BCOR: variants seen among roughly 807,000 people sequenced by gnomAD.
BCOR encodes the protein BCL-6 corepressor.
Under a neutral mutation model 86.7 loss-of-function variants are expected in BCOR, and 10 were observed. The observed-to-expected ratio is 0.12, with a 90% CI of 0.07 to 0.20. BCOR has a LOEUF of 0.20. BCOR is among the 10% of genes least tolerant of loss of function. The probability of loss-of-function intolerance (pLI) is 1.00; values close to 1 mark genes in which losing one functional copy is unlikely to be tolerated. For missense variants in BCOR, 1,259 were observed against 1,452.1 expected (o/e 0.87, Z 2.16); for synonymous variants, 611 against 609.0 (o/e 1.00, Z -0.05).
chrX:40,080,989 G>A (rs112502472), intron 1 of BCOR, among the ~76,000 whole-genome samples: 52 of 107,111 alleles, frequency 4.9e-4, no homozygotes, highest in East Asian at 2.4e-3. Context: ...ACACACACGC[G>A]CACACACACA....
intron 1 of BCOR, among the ~76,000 whole-genome samples, chrX:40,114,598 T>C (rs951694346): frequency 2.7e-5 from 3 of 111,607 alleles, no homozygotes; most frequent in African/African-American, 9.8e-5. Flanking sequence ...GAAGTGTAGG[T>C]TCTTCTCACA....
intron 1 of BCOR, among the ~76,000 whole-genome samples, chrX:40,110,299 C>T (rs886973121): frequency 3.6e-5 from 4 of 111,314 alleles, no homozygotes; most frequent in Non-Finnish European, 7.5e-5. Context: ...CTTATGTTGA[C>T]ATTTAAATAG....
intron 1 of BCOR, among the ~76,000 whole-genome samples, chrX:40,123,866 C>T (rs958013882): frequency 2.6e-4 from 29 of 110,197 alleles, no homozygotes; most frequent in African/African-American, 9.6e-4. Flanking sequence ...AGAAATGTTT[C>T]CTCTCTCCCA....
intron 6 of BCOR, among the ~76,000 whole-genome samples, chrX:40,067,455 C>T (rs754470663): frequency 8.9e-6 from 1 of 111,894 alleles, no homozygotes; most frequent in East Asian, 2.8e-4. Context: ...ATGCCTCCTC[C>T]AAGTCCCCAC....
intron 1 of BCOR, among the ~76,000 whole-genome samples, chrX:40,081,263 T>C (rs1402280816): frequency 9.0e-6 from 1 of 111,523 alleles, no homozygotes; most frequent in Non-Finnish European, 1.9e-5. Context: ...GCAAAGGCCA[T>C]ACGGCTCACA....
In BCOR at chrX:40,084,714, CCA is replaced by C. The variant is rs1438092693; in HGVS notation, c.-40-6747_-40-6746del. Among the ~76,000 whole-genome samples the C allele has an allele frequency of 1.9e-3, 152 of 81,689 alleles. 1 individual carries two copies. The highest frequency in any genetic ancestry group is 0.013 in the African/African-American group (128 of 9,939). The allele number at this position is 81,689 out of a possible 115,157, so 70.9% of individuals were successfully genotyped here. On this transcript the variant is annotated intron_variant, in intron 1 of 14. Coordinates refer to ENST00000378444, the MANE Select transcript of BCOR (RefSeq NM_001123385.2). ...ACGCCGTCGCCGCCACCCCCCCCCA[CCA>C]CCACCACCACCGAAGGGAACAAGCT...
chrX:40,103,897 A>G (rs1185639290), intron 1 of BCOR, among the ~76,000 whole-genome samples: 2 of 111,983 alleles, frequency 1.8e-5, no homozygotes, highest in African/African-American at 6.5e-5. Flanking sequence ...TTATCTCGCA[A>G]AAATGCTCTT....
At chrX:40,080,273 C>A (rs187163028) in intron 1 of BCOR, among the ~76,000 whole-genome samples, 4 of 108,774 alleles carry the variant, frequency 3.7e-5, no homozygotes, top group Non-Finnish European at 7.6e-5. Context: ...GAAACCCCGT[C>A]TCTACTAAAA....
chrX:40,073,026 T>C lies in BCOR; in HGVS notation c.2320A>G (p.Lys774Glu), dbSNP rs767497766. ...FSEILETSST[K>E]LHPDVPTDKN... is the part of the protein sequence containing the mutation. Reference sequence around the variant, plus strand: ...TCGGTGGGGACATCTGGATGTAACTTGGTGCTGCTAGTTTCCAAAATCTCG... The same window carrying C: ...TCGGTGGGGACATCTGGATGTAACTCGGTGCTGCTAGTTTCCAAAATCTCG... Residue 774 changes from lysine (K) to glutamate (E), a missense_variant, in exon 4 of 15, where the codon AAG (lysine) becomes GAG (glutamate). Lys to Glu is a moderately conservative substitution (Grantham distance 56). Coordinates refer to ENST00000378444, the MANE Select transcript of BCOR (RefSeq NM_001123385.2). The C allele has an allele frequency of 2.5e-6, 3 of 1,210,581 alleles. No homozygotes were observed. Among genetic ancestry groups the C allele is most frequent in the Admixed American group, 2.2e-5 (1 of 45,903 alleles).
intron 1 of BCOR, among the ~76,000 whole-genome samples, chrX:40,127,846 G>A (rs1472647815): frequency 1.9e-4 from 19 of 101,492 alleles, no homozygotes; most frequent in Non-Finnish European, 6.0e-5. Context: ...GCGCTCCAGA[G>A]CAAAACCTTG....
intron 1 of BCOR, among the ~76,000 whole-genome samples, chrX:40,118,429 A>T (rs1937431018): frequency 9.3e-6 from 1 of 107,233 alleles, no homozygotes; most frequent in African/African-American, 3.4e-5. Flanking sequence ...CACCTGGCTA[A>T]TTTTTTTTTG....
chrX:40,099,143 C>G (rs1449126454), upstream of BCOR, among the ~76,000 whole-genome samples: 1 of 112,911 alleles, frequency 8.9e-6, no homozygotes, highest in Non-Finnish European at 1.9e-5. Context: ...ACAGCCTGCG[C>G]CCGCAGCAGT....
In BCOR at chrX:40,175,657, C is replaced by A. The variant is rs1938731414; in HGVS notation, c.-41+1350G>T. Reference sequence around the variant, plus strand: ...TCGCGTCGTCCTAGACTCCGCGCAGCACCCGCTACCGCGACTCCAAGCAGA... The same window carrying A: ...TCGCGTCGTCCTAGACTCCGCGCAGAACCCGCTACCGCGACTCCAAGCAGA... On this transcript the variant is annotated intron_variant, in intron 1 of 14. Coordinates refer to the BCOR transcript ENST00000342274. Among the ~76,000 whole-genome samples, 3 of 112,717 alleles carry A rather than the reference C, an allele frequency of 2.7e-5. No individual in the cohort carries two copies. In the Admixed American group the frequency reaches 2.8e-4, roughly 10 times the overall value.
At chrX:40,110,211 C>T (rs1204463727) in intron 1 of BCOR, among the ~76,000 whole-genome samples, 1 of 111,352 alleles carries the variant, frequency 9.0e-6, no homozygotes, top group Non-Finnish European at 1.9e-5. Flanking sequence ...AATTTAGAGG[C>T]GAGAAATGCC....
intron 1 of BCOR, among the ~76,000 whole-genome samples, chrX:40,126,379 G>C (rs1179947557): frequency 9.2e-6 from 1 of 108,409 alleles, no homozygotes; most frequent in Non-Finnish European, 1.9e-5. Flanking sequence ...CAAAAAATTA[G>C]CTGGGTATGG....
rs374547123 is a variant in BCOR at position 40,062,413 on chromosome X, C to T, written c.4174-20G>A. On this transcript the variant is annotated intron_variant, in intron 9 of 14. Transcript: ENST00000378444. ...AGTCACCTATCATAAAACCAAGCAG[C>T]GCACACGGTTAAGCCCGTGTCCTTC... is the stretch of plus-strand genomic sequence containing the variant. 1,743 of 1,194,044 alleles carry T rather than the reference C, an allele frequency of 1.5e-3. 14 individuals carry two copies. The South Asian group carries it at 0.027, about 18-fold the overall frequency.
intron 1 of BCOR, among the ~76,000 whole-genome samples, chrX:40,108,844 G>A (rs1294372318): frequency 1.8e-5 from 2 of 113,172 alleles, no homozygotes; most frequent in Non-Finnish European, 1.9e-5. Flanking sequence ...CGGTGGAGCC[G>A]GCACGCAGGG....
At chrX:40,130,927 G>A (rs1602249423) in intron 1 of BCOR, among the ~76,000 whole-genome samples, 1 of 111,536 alleles carries the variant, frequency 9.0e-6, no homozygotes, top group Non-Finnish European at 1.9e-5. Context: ...CACCTTCCCT[G>A]GGGAGCTGGC....
At chrX:40,150,611 C>T (rs1602267641) in intron 1 of BCOR, among the ~76,000 whole-genome samples, 2 of 111,904 alleles carry the variant, frequency 1.8e-5, no homozygotes, top group South Asian at 3.7e-4. Flanking sequence ...AGGGAACAGG[C>T]GCCCTTCTCA....
Sources: allele counts gnomAD v4.1 joint callset (sites outside exome capture counted in the v4.1 genomes callset), GRCh38; gene constraint gnomAD v4.1.1; transcripts MANE v1.5; gene names NCBI Gene and HGNC (gene_info 2026-07-23, HGNC 2026-07-21).